TERB1: variants seen among roughly 807,000 people sequenced by gnomAD.
The protein encoded by TERB1 is telomere repeat binding bouquet formation protein 1, also known as telomere repeats-binding bouquet formation protein 1.
Under a neutral mutation model 92.3 loss-of-function variants are expected in TERB1, and 63 were observed. The ratio of observed to expected loss-of-function variants is 0.68; its 90% CI spans 0.56 to 0.84. TERB1 has a LOEUF of 0.84. Ranked by LOEUF, TERB1 falls within the 40% of genes least tolerant of loss-of-function variation. The pLI, the probability that TERB1 is intolerant of heterozygous loss-of-function variation, is 0.00. For missense variants in TERB1, 709 were observed against 843.7 expected (o/e 0.84, Z 1.98); for synonymous variants, 252 against 283.9 (o/e 0.89, Z 1.13).
At chr16:66,799,479 C>T (rs1322154768) in intron 2 of TERB1, among the ~76,000 whole-genome samples, 1 of 152,166 alleles carries the variant, frequency 6.6e-6, no homozygotes, top group Non-Finnish European at 1.5e-5. Context: ...CCACCCGCCT[C>T]GGCCTCCGAA....
intron 16 of TERB1, among the ~76,000 whole-genome samples, chr16:66,760,145 AAAAGAAAAG>A (rs2018210604): frequency 3.0e-5 from 3 of 98,574 alleles, no homozygotes; most frequent in African/African-American, 1.8e-4. Flanking sequence ...AAAAAAAAAA[AAAAGAAAAG>A]AAAAGAAAAG....
chr16:66,768,965 C>T (rs770048669), intron 14 of TERB1, among the ~76,000 whole-genome samples: 7 of 151,628 alleles, frequency 4.6e-5, no homozygotes, highest in Non-Finnish European at 7.4e-5. Flanking sequence ...ATTAGCCGGG[C>T]GTGGTGGCAC....
chr16:66,784,748 ATTTTTTTT>A (rs34949570), intron 9 of TERB1, among the ~76,000 whole-genome samples: 2 of 117,606 alleles, frequency 1.7e-5, no homozygotes, highest in South Asian at 2.7e-4. Context: ...TTAATTTTTA[ATTTTTTTT>A]TTTTTTTTTT....
rs1487216082 is a variant in TERB1 at position 66,775,738 on chromosome 16, T to A, written c.986-495A>T. 3.1e-5 allele frequency among the ~76,000 whole-genome samples: 4 copies of A among 128,134 alleles called. No individual in the cohort carries two copies. The Admixed American group carries it at 3.4e-4, about 11-fold the overall frequency. 84.1% of individuals were successfully genotyped at this position (128,134 alleles called of 152,430 possible). On this transcript the variant is annotated intron_variant, in intron 11 of 18. Coordinates refer to ENST00000433154, the MANE Select transcript of TERB1 (RefSeq NM_001136505.2). The stretch of plus-strand genomic sequence containing the variant: ...TTTTTTTTTTTTTTTTGAGAGGGAA[T>A]CTCGCTCTGTCACCCTGACTGGAGT...
At position 66,801,555 on chromosome 16, in the gene TERB1, C is replaced by G. The variant is rs1170534451; in HGVS notation, c.-197G>C. On this transcript the variant is annotated 5_prime_UTR_variant, in exon 1 of 19. Coordinates refer to ENST00000433154, the MANE Select transcript of TERB1 (RefSeq NM_001136505.2). Reference sequence around the variant, plus strand: ...CCTCAAGCGGGAGCTTCCGCCCTTTCTTCATCACCGCTCACCTGCCACGAC... The same window carrying G: ...CCTCAAGCGGGAGCTTCCGCCCTTTGTTCATCACCGCTCACCTGCCACGAC... 1.3e-5 allele frequency: 2 copies of G among 152,224 alleles called. No individual in the cohort carries two copies. Among genetic ancestry groups the G allele is most frequent in the Non-Finnish European group, 2.9e-5 (2 of 68,060 alleles). The allele number at this position is 152,224 out of a possible 1,614,324, so 9.4% of individuals were successfully genotyped here.
In TERB1 at chr16:66,790,634, C is replaced by A; in HGVS notation, c.232G>T (p.Ala78Ser). The A allele has an allele frequency of 6.5e-7, 1 of 1,550,146 alleles. No individual in the cohort carries two copies. Among genetic ancestry groups the A allele is most frequent in the East Asian group, 2.5e-5 (1 of 40,778 alleles). ...ATAGCTCCTAATGTATATAAGGCTG[C>A]TTCTTTTACCATGCTATGTTCACTT... ...KSSEHSMVKE[A>S]ALYTLGAIAE... The change falls in exon 5 of 19, where the codon GCA becomes TCA. Residue 78 changes from alanine to serine, a missense_variant. Physicochemically the swap from Ala to Ser is moderately conservative, Grantham distance 99 (BLOSUM62 1). Transcript: ENST00000433154.
intron 2 of TERB1, among the ~76,000 whole-genome samples, chr16:66,798,255 C>T (rs890423931): frequency 4.6e-5 from 7 of 151,414 alleles, no homozygotes; most frequent in African/African-American, 1.7e-4. Flanking sequence ...TCTTGGCTCA[C>T]TGCAGCTTCA....
rs781572137 is a variant in TERB1 at position 66,777,353 on chromosome 16, A to T, written c.854-19T>A. ...AAAGTAGCTATTAGTATAAAATAGG[A>T]AAAAAAGATAGTACAAATTTAAAAC... On this transcript the variant is annotated intron_variant, in intron 10 of 18. Transcript: ENST00000433154. The T allele has an allele frequency of 1.4e-5, 21 of 1,474,396 alleles. No individual in the cohort carries two copies. In the South Asian group the frequency reaches 2.6e-4, roughly 19 times the overall value. The allele number at this position is 1,474,396 out of a possible 1,614,324, so 91.3% of individuals were successfully genotyped here.
intron 18 of TERB1, among the ~76,000 whole-genome samples, chr16:66,757,129 C>A (rs1021180672): frequency 1.3e-5 from 2 of 152,068 alleles, no homozygotes; most frequent in Non-Finnish European, 2.9e-5. Flanking sequence ...ATATTCCTGG[C>A]CGGCTTGTGA....
chr16:66,771,722 A>G (rs1392233362), intron 13 of TERB1, among the ~76,000 whole-genome samples: 6 of 152,170 alleles, frequency 3.9e-5, no homozygotes, highest in African/African-American at 1.4e-4. Flanking sequence ...TTGCAATGGT[A>G]AAAATTTAAA....
At chr16:66,800,019 A>G (rs1036310999) in intron 2 of TERB1, 1 of 152,228 alleles carries the variant, frequency 6.6e-6, no homozygotes. Flanking sequence ...AATTTCAGCA[A>G]GAAAAGTAGC....
chr16:66,777,436 A>G (rs988436315), intron 10 of TERB1, 102 bp from the exon 11 acceptor site: 5 of 628,972 alleles, frequency 7.9e-6, no homozygotes, highest in South Asian at 3.2e-5. Context: ...AATGTTATAT[A>G]TCTATATAAA....
At chr16:66,761,812 T>C (rs934099232) in intron 16 of TERB1, among the ~76,000 whole-genome samples, 3 of 152,126 alleles carry the variant, frequency 2.0e-5, no homozygotes, top group African/African-American at 7.2e-5. Flanking sequence ...CCCAGCACTT[T>C]GGGAGGCCTA....
chr16:66,763,983 T>C (rs891564635), intron 16 of TERB1, among the ~76,000 whole-genome samples: 3 of 152,164 alleles, frequency 2.0e-5, no homozygotes, highest in East Asian at 1.9e-4. Context: ...CACTCTAATA[T>C]GGCTAGAGTA....
chr16:66,770,046 C>T lies in TERB1; in HGVS notation c.1536G>A (p.Lys512=). Residue 512 remains lysine, a synonymous_variant, in exon 14 of 19, where the codon AAG becomes AAA. Coordinates refer to ENST00000433154, the MANE Select transcript of TERB1 (RefSeq NM_001136505.2). ...HACYRESEQN[K]TLYKAKSSCN... is the part of the protein sequence containing the mutation. ...AGCTTGACTTGGCTTTATATAAAGT[C>T]TTATTTTGCTCACTCTCCCTGTAAC... is the stretch of plus-strand genomic sequence containing the variant. 1 of 1,551,750 alleles carries T rather than the reference C, an allele frequency of 6.4e-7. No homozygotes were observed. Among genetic ancestry groups the T allele is most frequent in the South Asian group, 1.2e-5 (1 of 84,068 alleles).
intron 10 of TERB1, 55 bp downstream of exon 10, chr16:66,778,808 T>A: frequency 2.2e-6 from 3 of 1,362,938 alleles, no homozygotes; most frequent in Non-Finnish European, 2.9e-6. Context: ...ACACTCTTCA[T>A]GCTATATTCA....
intron 5 of TERB1, among the ~76,000 whole-genome samples, chr16:66,790,139 C>A (rs1276825354): frequency 6.6e-6 from 1 of 152,054 alleles, no homozygotes; most frequent in African/African-American, 2.4e-5. Flanking sequence ...TTTCTATACC[C>A]AAAGCATATT....
At chr16:66,777,914 A>T (rs2018575199) in intron 10 of TERB1, among the ~76,000 whole-genome samples, 1 of 152,236 alleles carries the variant, frequency 6.6e-6, no homozygotes. Context: ...AGAGTCTAAC[A>T]ATACTAATAT....
chr16:66,777,158 C>A, intron 11 of TERB1, 45 bp downstream of exon 11: 1 of 1,457,292 alleles, frequency 6.9e-7, no homozygotes, highest in Non-Finnish European at 9.1e-7. Context: ...AGTATATTTC[C>A]GCTTTACTAT....
Sources: gnomAD v4.1 joint callset for allele counts (sites outside exome capture counted in the v4.1 genomes callset) on GRCh38, gnomAD v4.1.1 for gene constraint, MANE v1.5 for transcripts, NCBI Gene and HGNC (gene_info 2026-07-23, HGNC 2026-07-21) for gene names.